The following MIS18A variants were observed in gnomAD, a reference collection of about 807,000 sequenced individuals.
The protein encoded by MIS18A is protein Mis18-alpha.
In MIS18A, 14 loss-of-function variants were observed where a neutral mutation model predicts 25.0. The observed-to-expected ratio is 0.56, with a 90% CI of 0.37 to 0.88. The LOEUF (loss-of-function observed/expected upper bound fraction) is 0.88, where lower values mean the gene tolerates loss of function less well. Among genes scored for constraint, MIS18A ranks in the 40% least tolerant of loss-of-function variants. MIS18A has a pLI of 0.00. For synonymous variants in MIS18A, 134 were observed against 118.6 expected, an observed-to-expected ratio of 1.13 and a Z score of -0.84; for missense variants, 292 against 290.8, an observed-to-expected ratio of 1.00 and a Z score of -0.03.
the MIS18A span, among the ~76,000 whole-genome samples, chr21:32,199,797 C>T: frequency 6.6e-6 from 1 of 152,088 alleles, no homozygotes. Context: ...CAGAGCGAGA[C>T]TCTGTCTCAA....
At chr21:32,190,803 A>G in the MIS18A span, among the ~76,000 whole-genome samples, 1 of 152,314 alleles carries the variant, frequency 6.6e-6, no homozygotes, top group African/African-American at 2.4e-5. Flanking sequence ...CTTTAGACCA[A>G]CGAAAGTTCA....
At chr21:32,248,711 A>G in the MIS18A span, among the ~76,000 whole-genome samples, 2 of 152,180 alleles carry the variant, frequency 1.3e-5, no homozygotes, top group African/African-American at 2.4e-5. Context: ...GTCTCATTGA[A>G]TTCACAAATT....
chr21:32,247,392 G>C, the MIS18A span, among the ~76,000 whole-genome samples: 7 of 152,170 alleles, frequency 4.6e-5, no homozygotes, highest in Non-Finnish European at 8.8e-5. Context: ...GAAGAAAAGA[G>C]TACCAAAATT....
the MIS18A span, among the ~76,000 whole-genome samples, chr21:32,204,400 G>A: frequency 3.3e-5 from 5 of 152,138 alleles, no homozygotes; most frequent in Admixed American, 3.3e-4. Context: ...AGGAGGCTGA[G>A]GCAGGAGAAT....
the MIS18A span, among the ~76,000 whole-genome samples, chr21:32,175,575 C>T: frequency 1.3e-5 from 2 of 148,212 alleles, no homozygotes; most frequent in African/African-American, 2.5e-5. Context: ...TTTGGGAGGT[C>T]GAGGTGGGTG....
chr21:32,222,600 C>T, the MIS18A span, among the ~76,000 whole-genome samples: 1 of 152,150 alleles, frequency 6.6e-6, no homozygotes, highest in African/African-American at 2.4e-5. Context: ...GTCTCTCAGA[C>T]CACAGTGCAA....
At chr21:32,275,208 T>TA (rs1280375095) in intron 1 of MIS18A, among the ~76,000 whole-genome samples, 4 of 151,792 alleles carry the variant, frequency 2.6e-5, no homozygotes, top group East Asian at 3.9e-4. Flanking sequence ...ACTCCATCTC[T>TA]AAAAAAAAAT....
At chr21:32,185,109 C>T in the MIS18A span, among the ~76,000 whole-genome samples, 1 of 152,132 alleles carries the variant, frequency 6.6e-6, no homozygotes, top group African/African-American at 2.4e-5. Context: ...AATCAAGGGA[C>T]TCTTCACATA....
chr21:32,270,405 A>T lies in MIS18A; in HGVS notation c.524+2T>A. ...AGGTAAACATTTATATATCAAACTT[A>T]CCTTTCAATGGCTTCAACACTGAGG... On this transcript the variant is annotated splice_donor_variant, in intron 3 of 4. Coordinates refer to ENST00000290130, the MANE Select transcript of MIS18A (RefSeq NM_018944.3). LOFTEE classifies it high-confidence loss of function. 6.2e-7 allele frequency: 1 copy of T among 1,613,938 alleles called. No individual in the cohort carries two copies. Among genetic ancestry groups the T allele is most frequent in the Non-Finnish European group, 8.5e-7 (1 of 1,179,952 alleles).
At chr21:32,267,926 C>A (rs1412300316), downstream of MIS18A, among the ~76,000 whole-genome samples, 5 of 152,194 alleles carry the variant, frequency 3.3e-5, no homozygotes, top group Non-Finnish European at 7.4e-5. Flanking sequence ...TCAGAAAGAA[C>A]AGAAGAATCC....
At chr21:32,240,196 G>C in the MIS18A span, among the ~76,000 whole-genome samples, 1 of 152,258 alleles carries the variant, frequency 6.6e-6, no homozygotes, top group Non-Finnish European at 1.5e-5. Context: ...TGCATGGACT[G>C]AACCTCTGTG....
the MIS18A span, among the ~76,000 whole-genome samples, chr21:32,204,490 C>T: frequency 6.6e-6 from 1 of 150,466 alleles, no homozygotes; most frequent in Admixed American, 6.6e-5. Context: ...GAATGAGATT[C>T]CATCTCAGAA....
chr21:32,223,049 G>A, the MIS18A span, among the ~76,000 whole-genome samples: 7 of 151,796 alleles, frequency 4.6e-5, no homozygotes, highest in South Asian at 4.2e-4. Flanking sequence ...CAAAATTAAC[G>A]CAGATATAAA....
the MIS18A span, among the ~76,000 whole-genome samples, chr21:32,195,901 TC>T: frequency 2.4e-3 from 368 of 152,136 alleles, 2 homozygotes; most frequent in African/African-American, 8.3e-3. Context: ...ATGCATGTAG[TC>T]CCAGCTACTC....
At chr21:32,190,676 A>C in the MIS18A span, among the ~76,000 whole-genome samples, 8 of 152,218 alleles carry the variant, frequency 5.3e-5, no homozygotes, top group Non-Finnish European at 1.2e-4. Context: ...CAAGTGAGCC[A>C]ACCGTGGGAT....
At chr21:32,220,764 A>G in the MIS18A span, among the ~76,000 whole-genome samples, 1 of 151,764 alleles carries the variant, frequency 6.6e-6, no homozygotes, top group Non-Finnish European at 1.5e-5. Context: ...AACTAGAATA[A>G]CCAGTTTAGA....
At chr21:32,270,323 C>G in intron 3 of MIS18A, 84 bp downstream of exon 3, 1 of 1,411,560 alleles carries the variant, frequency 7.1e-7, no homozygotes. Context: ...TTTAACCAAA[C>G]AGTATTGATT....
the MIS18A span, among the ~76,000 whole-genome samples, chr21:32,203,770 C>T: frequency 6.6e-6 from 1 of 151,888 alleles, no homozygotes; most frequent in Admixed American, 6.6e-5. Flanking sequence ...GAACATGCCA[C>T]CATGCCCAGC....
the MIS18A span, among the ~76,000 whole-genome samples, chr21:32,203,767 C>A: frequency 6.6e-6 from 1 of 151,826 alleles, no homozygotes; most frequent in Non-Finnish European, 1.5e-5. Flanking sequence ...CAGGAACATG[C>A]CACCATGCCC....
Sources: allele counts gnomAD v4.1 joint callset (sites outside exome capture counted in the v4.1 genomes callset), GRCh38; gene constraint gnomAD v4.1.1; transcripts MANE v1.5; gene names NCBI Gene and HGNC (gene_info 2026-07-23, HGNC 2026-07-21).